Variants in XNDC1N observed in about 807,000 individuals in gnomAD.
The protein encoded by XNDC1N is protein XNDC1N.
chr11:71,878,857 AG>A, the XNDC1N span, among the ~76,000 whole-genome samples: 1,452 of 152,004 alleles, frequency 9.6e-3, 10 homozygotes, highest in Non-Finnish European at 0.015. Flanking sequence ...AAAATTAGTC[AG>A]GTATAGTGGC....
At chr11:71,881,105 G>T in the XNDC1N span, among the ~76,000 whole-genome samples, 1 of 152,278 alleles carries the variant, frequency 6.6e-6, no homozygotes, top group Non-Finnish European at 1.5e-5. Context: ...TGCTGAAAGT[G>T]GGGTATTGAA....
At chr11:71,906,040 A>G in the XNDC1N span, among the ~76,000 whole-genome samples, 3 of 152,018 alleles carry the variant, frequency 2.0e-5, no homozygotes, top group African/African-American at 7.3e-5. Context: ...CCACAATATT[A>G]CTAATAATAT....
the XNDC1N span, among the ~76,000 whole-genome samples, chr11:71,907,215 A>G: frequency 3.3e-5 from 5 of 152,102 alleles, no homozygotes; most frequent in African/African-American, 1.2e-4. Flanking sequence ...ACAGTGACAC[A>G]TTCCTAGAAT....
the XNDC1N span, among the ~76,000 whole-genome samples, chr11:71,888,592 G>A: frequency 0.025 from 3,864 of 152,282 alleles, 57 homozygotes; most frequent in East Asian, 0.076. Flanking sequence ...GGCCCAGGCC[G>A]AGGCTGGGGG....
the XNDC1N span, among the ~76,000 whole-genome samples, chr11:71,917,998 C>G: frequency 6.6e-6 from 1 of 152,330 alleles, no homozygotes; most frequent in African/African-American, 2.4e-5. Flanking sequence ...AGCCAGAAAC[C>G]TTCCCCTGAT....
At chr11:71,873,820 T>A in the XNDC1N span, among the ~76,000 whole-genome samples, 4 of 152,216 alleles carry the variant, frequency 2.6e-5, no homozygotes, top group African/African-American at 9.6e-5. Flanking sequence ...GTAGTTTTTT[T>A]AAAAAACGTA....
At chr11:71,902,617 A>G in the XNDC1N span, among the ~76,000 whole-genome samples, 3 of 152,384 alleles carry the variant, frequency 2.0e-5, no homozygotes, top group East Asian at 3.9e-4. Context: ...AAGTCCGAAA[A>G]CACAATGATG....
chr11:71,921,469 G>T, the XNDC1N span, among the ~76,000 whole-genome samples: 1 of 151,948 alleles, frequency 6.6e-6, no homozygotes, highest in Admixed American at 6.6e-5. Context: ...TGTAGAGATG[G>T]GATCTTGCTA....
the XNDC1N span, among the ~76,000 whole-genome samples, chr11:71,902,914 C>G: frequency 4.6e-5 from 7 of 152,156 alleles, no homozygotes; most frequent in African/African-American, 1.7e-4. Flanking sequence ...TTATATATGA[C>G]GATCTGGTTC....
the XNDC1N span, among the ~76,000 whole-genome samples, chr11:71,924,222 A>G: frequency 1.3e-5 from 2 of 152,008 alleles, no homozygotes; most frequent in African/African-American, 4.8e-5. Context: ...TTATTGCAAA[A>G]CCCTTGCTAA....
the XNDC1N span, among the ~76,000 whole-genome samples, chr11:71,925,393 T>C: frequency 2.6e-4 from 39 of 152,220 alleles, no homozygotes; most frequent in African/African-American, 9.1e-4. Flanking sequence ...ATGGGGTAGA[T>C]TGCAGCAATA....
At chr11:71,900,298 T>C in the XNDC1N span, among the ~76,000 whole-genome samples, 1 of 152,178 alleles carries the variant, frequency 6.6e-6, no homozygotes, top group Admixed American at 6.5e-5. Flanking sequence ...CTATACTTTG[T>C]CTCTGTGTAT....
At chr11:71,911,203 T>C in the XNDC1N span, among the ~76,000 whole-genome samples, 1 of 152,252 alleles carries the variant, frequency 6.6e-6, no homozygotes. Context: ...CGTGCTGTGG[T>C]GACTTTAATG....
At chr11:71,886,399 G>A in the XNDC1N span, among the ~76,000 whole-genome samples, 10 of 152,076 alleles carry the variant, frequency 6.6e-5, no homozygotes, top group Admixed American at 6.6e-4. Flanking sequence ...GAGTATGGAA[G>A]GACCCAGTTG....
the XNDC1N span, chr11:71,917,315 CA>C: frequency 1.5e-6 from 1 of 648,666 alleles, no homozygotes; most frequent in Non-Finnish European, 2.8e-6. Context: ...CGCCTGGCCA[CA>C]AAAATATATT....
At chr11:71,874,984 C>A in the XNDC1N span, among the ~76,000 whole-genome samples, 1 of 152,132 alleles carries the variant, frequency 6.6e-6, no homozygotes. Flanking sequence ...GTTAAGCACA[C>A]CTGCAACTCC....
At chr11:71,908,441 CAATT>C in the XNDC1N span, among the ~76,000 whole-genome samples, 3 of 151,854 alleles carry the variant, frequency 2.0e-5, no homozygotes, top group East Asian at 1.9e-4. Flanking sequence ...TTATTAGCGC[CAATT>C]AATAATTGAG....
At chr11:71,923,560 G>GC in the XNDC1N span, 2 of 436,086 alleles carry the variant, frequency 4.6e-6, no homozygotes, top group South Asian at 2.6e-5. Context: ...TTTCTGTTTT[G>GC]TTTTTTTTTT....
At chr11:71,926,627 G>A in the XNDC1N span, among the ~76,000 whole-genome samples, 4 of 152,288 alleles carry the variant, frequency 2.6e-5, no homozygotes, top group South Asian at 2.1e-4. Context: ...TAGGCTGGGC[G>A]TGGTGGCTCA....
Sources: gnomAD v4.1 joint callset for allele counts (sites outside exome capture counted in the v4.1 genomes callset) on GRCh38, gnomAD v4.1.1 for gene constraint, MANE v1.5 for transcripts, NCBI Gene and HGNC (gene_info 2026-07-23, HGNC 2026-07-21) for gene names.